MAP4K3: variants seen among roughly 807,000 people sequenced by gnomAD.
MAP4K3 encodes mitogen-activated protein kinase kinase kinase kinase 3, also known as MAPK/ERK kinase kinase kinase 3.
MAP4K3 carries 94 observed loss-of-function variants against 143.5 expected under a neutral mutation model. That is an observed-to-expected ratio of 0.65 (90% CI 0.55 to 0.78). MAP4K3 has a LOEUF of 0.78. MAP4K3 is among the 30% of genes least tolerant of loss of function. The pLI is 0.00. For synonymous variants in MAP4K3, 416 were observed against 347.2 expected, an observed-to-expected ratio of 1.20 and a Z score of -2.20; for missense variants, 1,077 against 1,068.1, an observed-to-expected ratio of 1.01 and a Z score of -0.12.
chr2:39,346,512 G>A (rs1665297241), intron 3 of MAP4K3, among the ~76,000 whole-genome samples: 1 of 152,058 alleles, frequency 6.6e-6, no homozygotes, highest in Non-Finnish European at 1.5e-5. Flanking sequence ...AAATGCTTCG[G>A]CAAAGAAAGC....
chr2:39,358,744 T>C (rs1464813248), intron 2 of MAP4K3, among the ~76,000 whole-genome samples: 1 of 152,130 alleles, frequency 6.6e-6, no homozygotes. Flanking sequence ...ATCCAAAGGA[T>C]TTAAAGAACT....
chr2:39,356,472 C>T (rs1423361995), intron 2 of MAP4K3, 133 bp from the exon 3 acceptor site: 4 of 592,152 alleles, frequency 6.8e-6, no homozygotes, highest in African/African-American at 1.9e-5. Context: ...AAAACATAGC[C>T]AATAAGTTAA....
intron 2 of MAP4K3, among the ~76,000 whole-genome samples, chr2:39,365,903 C>T (rs961866003): frequency 1.1e-4 from 16 of 152,172 alleles, no homozygotes; most frequent in Non-Finnish European, 4.4e-5. Context: ...CACACATCTA[C>T]GTTACATGTA....
chr2:39,254,733 T>C (rs146784144), intron 31 of MAP4K3, among the ~76,000 whole-genome samples: 404 of 152,286 alleles, frequency 2.7e-3, no homozygotes, highest in Non-Finnish European at 4.4e-3. Context: ...ACCGAAAATA[T>C]TTTTGTTATA....
chr2:39,315,360 T>A lies in MAP4K3; in HGVS notation c.947A>T (p.His316Leu). 6.2e-7 allele frequency: 1 copy of A among 1,612,604 alleles called. No homozygotes were observed. The highest frequency in any genetic ancestry group is 8.5e-7 in the Non-Finnish European group (1 of 1,179,116). The change falls in exon 13 of 34, where the codon CAC (histidine) becomes CTC (leucine). Residue 316 changes from histidine (H) to leucine (L), a missense_variant. Physicochemically the swap from His to Leu is moderately conservative, Grantham distance 99. Coordinates refer to ENST00000263881, the MANE Select transcript of MAP4K3 (RefSeq NM_003618.4). ...TTCTCTCACGTTTCTACTTGTTGAG[T>A]GAATTCTATGTGGTACAGCAACAAG... ...EPLVAVPHRI[H>L]STSRNVREEK...
At chr2:39,339,656 A>G (rs1030211131) in intron 4 of MAP4K3, among the ~76,000 whole-genome samples, 1 of 152,194 alleles carries the variant, frequency 6.6e-6, no homozygotes, top group Non-Finnish European at 1.5e-5. Flanking sequence ...TTAAAGGTGT[A>G]GACAAGCACG....
At chr2:39,347,721 TATAAATAA>T (rs1432534779) in intron 3 of MAP4K3, among the ~76,000 whole-genome samples, 1 of 152,032 alleles carries the variant, frequency 6.6e-6, no homozygotes, top group African/African-American at 2.4e-5. Context: ...TCGGTGAAAC[TATAAATAA>T]ATAAATAAAT....
intron 7 of MAP4K3, 139 bp downstream of exon 7, chr2:39,333,393 G>A (rs1355702906): frequency 3.1e-6 from 2 of 641,674 alleles, no homozygotes; most frequent in Non-Finnish European, 5.6e-6. Context: ...AGAGGTGACA[G>A]CATGGCAACG....
At chr2:39,307,872 T>C (rs1318452350) in intron 15 of MAP4K3, 71 bp downstream of exon 15, 2 of 1,195,428 alleles carry the variant, frequency 1.7e-6, no homozygotes, top group African/African-American at 3.1e-5. Flanking sequence ...TTGGACAAAA[T>C]GTTTGATCTT....
chr2:39,343,538 T>A, intron 3 of MAP4K3, 86 bp from the exon 4 acceptor site: 1 of 1,045,684 alleles, frequency 9.6e-7, no homozygotes, highest in Non-Finnish European at 1.4e-6. Context: ...TTGTAAGCTG[T>A]AACACTGAAA....
chr2:39,252,141 A>G (rs1021962298), intron 32 of MAP4K3, among the ~76,000 whole-genome samples: 2 of 152,246 alleles, frequency 1.3e-5, no homozygotes, highest in Non-Finnish European at 2.9e-5. Context: ...TTCAAGGGAA[A>G]AACTTAAAAG....
chr2:39,394,843 T>C (rs923915182), intron 1 of MAP4K3, among the ~76,000 whole-genome samples: 1 of 152,122 alleles, frequency 6.6e-6, no homozygotes, highest in African/African-American at 2.4e-5. Context: ...CTATCACCCT[T>C]TGTCAGTGCT....
At chr2:39,387,980 T>C (rs1666554967) in intron 1 of MAP4K3, among the ~76,000 whole-genome samples, 1 of 152,206 alleles carries the variant, frequency 6.6e-6, no homozygotes, top group South Asian at 2.1e-4. Context: ...GAAAATAATC[T>C]GTGAGTGATA....
chr2:39,365,249 T>A (rs1051500930), intron 2 of MAP4K3, among the ~76,000 whole-genome samples: 5 of 152,052 alleles, frequency 3.3e-5, no homozygotes, highest in African/African-American at 7.2e-5. Context: ...TTAATGTTGG[T>A]CAGCTGAGCT....
intron 20 of MAP4K3, 40 bp from the exon 21 acceptor site, chr2:39,287,004 T>C: frequency 7.8e-7 from 1 of 1,281,660 alleles, no homozygotes; most frequent in Non-Finnish European, 1.1e-6. Flanking sequence ...TTAATCTTCA[T>C]GAAAACTTTT....
At chr2:39,404,484 G>C (rs1443187493) in intron 1 of MAP4K3, among the ~76,000 whole-genome samples, 10 of 151,608 alleles carry the variant, frequency 6.6e-5, no homozygotes, top group Admixed American at 5.3e-4. Flanking sequence ...CAATGCGTGA[G>C]GCTCCTCTGC....
intron 2 of MAP4K3, among the ~76,000 whole-genome samples, chr2:39,363,668 C>CA (rs34083007): frequency 0.077 from 6,437 of 83,746 alleles, 1,086 homozygotes; most frequent in African/African-American, 0.29. Flanking sequence ...GACTCTGTCT[C>CA]AAAAAAAAAA....
At position 39,285,784 on chromosome 2, in the gene MAP4K3, CT is replaced by C. The variant is rs149926366; in HGVS notation, c.1587+1067del. Among the ~76,000 whole-genome samples the C allele has an allele frequency of 9.9e-3, 1,505 of 152,216 alleles. 9 individuals are homozygous for C. Among genetic ancestry groups the C allele is most frequent in the Non-Finnish European group, 0.016 (1,109 of 68,012 alleles). The stretch of plus-strand genomic sequence containing the variant: ...TATATACAAAAACTTCCAAAAAACC[CT>C]ATTCATCTTGTTGACATCTGTTGAG... On this transcript the variant is annotated intron_variant, in intron 21 of 33. Coordinates refer to ENST00000263881, the MANE Select transcript of MAP4K3 (RefSeq NM_003618.4).
rs778991703 is a variant in MAP4K3, at chr2:39,358,453, T to C, written c.155-2114A>G. 8.4e-4 allele frequency among the ~76,000 whole-genome samples: 128 copies of C among 152,330 alleles called. No individual in the cohort carries two copies. The Middle Eastern group carries it at 0.01, about 12-fold the overall frequency. On this transcript the variant is annotated intron_variant, in intron 2 of 33. Coordinates refer to ENST00000263881, the MANE Select transcript of MAP4K3 (RefSeq NM_003618.4). ...TTAATTTCATCCAATTGTTAGCATG[T>C]TTTATATAATTAATTGCCTACATAT...
Sources: gnomAD v4.1 joint callset for allele counts (sites outside exome capture counted in the v4.1 genomes callset) on GRCh38, gnomAD v4.1.1 for gene constraint, MANE v1.5 for transcripts, NCBI Gene and HGNC (gene_info 2026-07-23, HGNC 2026-07-21) for gene names.